Variants in RIMS1 observed in about 807,000 individuals in gnomAD.
RIMS1 encodes regulating synaptic membrane exocytosis 1.
RIMS1 carries 83 observed loss-of-function variants against 214.1 expected under a neutral mutation model. That is an observed-to-expected ratio of 0.39 (90% confidence interval 0.32 to 0.47). RIMS1 has a LOEUF of 0.47. Ranked by LOEUF, RIMS1 falls within the 20% of genes least tolerant of loss-of-function variation. RIMS1 has a pLI of 0.99. For missense variants in RIMS1, 2,050 were observed against 2,161.8 expected, an observed-to-expected ratio of 0.95 and a Z score of 1.03; for synonymous variants, 793 against 786.8, an observed-to-expected ratio of 1.01 and a Z score of -0.13.
chr6:72,330,942 AT>A (rs1402007245), intron 28 of RIMS1, among the ~76,000 whole-genome samples: 4 of 151,328 alleles, frequency 2.6e-5, no homozygotes, highest in Non-Finnish European at 4.4e-5. Context: ...CTGGACATAT[AT>A]TTTTTGAGAA....
intron 4 of RIMS1, among the ~76,000 whole-genome samples, chr6:72,127,043 A>G (rs1336682692): frequency 2.6e-5 from 4 of 152,232 alleles, no homozygotes; most frequent in Admixed American, 6.5e-5. Context: ...GTTCCTTCTC[A>G]AAGCTTCTCT....
chr6:71,949,797 C>T (rs1788907939), intron 1 of RIMS1, among the ~76,000 whole-genome samples: 1 of 152,162 alleles, frequency 6.6e-6, no homozygotes, highest in Non-Finnish European at 1.5e-5. Flanking sequence ...TTTTGGAGAA[C>T]AGTTTGACAG....
At chr6:72,090,381 A>C (rs1160091449) in intron 2 of RIMS1, among the ~76,000 whole-genome samples, 1 of 152,134 alleles carries the variant, frequency 6.6e-6, no homozygotes, top group Non-Finnish European at 1.5e-5. Flanking sequence ...CCAAGACCCC[A>C]CAACCATCCC....
At chr6:71,909,120 G>T (rs116713323) in intron 1 of RIMS1, among the ~76,000 whole-genome samples, 1 of 152,116 alleles carries the variant, frequency 6.6e-6, no homozygotes, top group Non-Finnish European at 1.5e-5. Context: ...CTCTGGAGCA[G>T]ATGGGACTAC....
chr6:72,260,741 A>G lies in RIMS1; in HGVS notation c.3090A>G (p.Arg1030=). 1 of 1,612,518 alleles carries G rather than the reference A, an allele frequency of 6.2e-7. No individual in the cohort carries two copies. The highest frequency in any genetic ancestry group is 8.5e-7 in the Non-Finnish European group (1 of 1,178,960). ...TGCTGCCCAGAGCAAAACGAGGACG[A>G]AGTGCAGAATGCCTACATACTACCA... is the stretch of plus-strand genomic sequence containing the variant. ...LLMLPRAKRG[R]SAECLHTTRH... is the part of the protein sequence containing the mutation. The change falls in exon 19 of 34, where the codon CGA becomes CGG. Residue 1030 remains arginine (R), a synonymous_variant. Transcript: ENST00000521978.
intron 1 of RIMS1, among the ~76,000 whole-genome samples, chr6:71,936,933 G>A (rs1215217584): frequency 2.0e-5 from 3 of 151,758 alleles, no homozygotes; most frequent in Non-Finnish European, 4.4e-5. Context: ...GAAGACTAAA[G>A]TATTAGCTTT....
chr6:72,208,379 A>G (rs1046423798), intron 6 of RIMS1, among the ~76,000 whole-genome samples: 10 of 152,180 alleles, frequency 6.6e-5, no homozygotes, highest in Non-Finnish European at 1.2e-4. Context: ...TACCTTTCCC[A>G]TCCAGTTTTA....
intron 19 of RIMS1, 98 bp from the exon 20 acceptor site, chr6:72,264,877 A>G (rs1296448047): frequency 5.8e-6 from 4 of 684,708 alleles, no homozygotes; most frequent in East Asian, 6.2e-5. Flanking sequence ...AGATTTATCT[A>G]TATAGCTTTA....
At chr6:72,269,060 C>T (rs1476689042) in intron 22 of RIMS1, among the ~76,000 whole-genome samples, 1 of 152,022 alleles carries the variant, frequency 6.6e-6, no homozygotes, top group Non-Finnish European at 1.5e-5. Flanking sequence ...GATGGTTTAC[C>T]TTCTTCCTTG....
intron 4 of RIMS1, among the ~76,000 whole-genome samples, chr6:72,109,188 T>G (rs2035469337): frequency 6.6e-6 from 1 of 152,212 alleles, no homozygotes. Context: ...CATAGCAGAA[T>G]GATTCATAGT....
chr6:72,150,709 A>C (rs1369828394), intron 4 of RIMS1, among the ~76,000 whole-genome samples: 1 of 152,166 alleles, frequency 6.6e-6, no homozygotes, highest in Admixed American at 6.5e-5. Context: ...TTGCCTGTTC[A>C]TTTTGTTTGT....
intron 21 of RIMS1, 133 bp downstream of exon 21, chr6:72,265,636 A>G (rs1482749574): frequency 3.5e-6 from 2 of 568,404 alleles, no homozygotes; most frequent in Non-Finnish European, 6.1e-6. Flanking sequence ...CCTGGTAATG[A>G]AATTTTAGGC....
chr6:72,104,735 T>C (rs1227840452), intron 4 of RIMS1, among the ~76,000 whole-genome samples: 1 of 152,222 alleles, frequency 6.6e-6, no homozygotes, highest in Non-Finnish European at 1.5e-5. Flanking sequence ...CTCTAACAGA[T>C]GTTTCTACAT....
In RIMS1 at chr6:72,251,036, A is replaced by G; in HGVS notation, c.2488A>G (p.Ile830Val). Reference sequence around the variant, plus strand: ...AGATTTTAGAGAACGAATGTTAGAAATAACTGTGTGGGACCAACCAAGAGT... The same window carrying G: ...AGATTTTAGAGAACGAATGTTAGAAGTAACTGTGTGGGACCAACCAAGAGT... ...RRDFRERMLE[I>V]TVWDQPRVQE... Residue 830 changes from isoleucine (I) to valine (V), a missense_variant, in exon 14 of 34, where the codon ATA (isoleucine) becomes GTA (valine). Around this residue, in one of 6 missense-constraint regions of RIMS1, gnomAD observed 889 missense variants for 885.5 expected, o/e 1.00. Coordinates refer to ENST00000521978, the MANE Select transcript of RIMS1 (RefSeq NM_014989.7). The G allele has an allele frequency of 6.3e-7, 1 of 1,582,502 alleles. No individual in the cohort carries two copies. Among genetic ancestry groups the G allele is most frequent in the Non-Finnish European group, 8.6e-7 (1 of 1,163,120 alleles).
chr6:72,120,739 CTGAA>C (rs2038104393), intron 4 of RIMS1, among the ~76,000 whole-genome samples: 1 of 151,844 alleles, frequency 6.6e-6, no homozygotes, highest in African/African-American at 2.4e-5. Flanking sequence ...TGCCTATGTC[CTGAA>C]TGGTATTGCC....
At chr6:72,168,647 A>G (rs2046598225) in intron 4 of RIMS1, among the ~76,000 whole-genome samples, 1 of 151,198 alleles carries the variant, frequency 6.6e-6, no homozygotes, top group Non-Finnish European at 1.5e-5. Flanking sequence ...ATTTTGTCTC[A>G]TAGTGCACAT....
At chr6:72,293,630 T>A (rs991721475) in intron 26 of RIMS1, among the ~76,000 whole-genome samples, 2 of 151,866 alleles carry the variant, frequency 1.3e-5, no homozygotes, top group African/African-American at 4.8e-5. Context: ...AAATAAAACA[T>A]TTTATGGGTT....
chr6:72,199,895 G>A (rs1246642048), intron 6 of RIMS1, among the ~76,000 whole-genome samples: 1 of 151,986 alleles, frequency 6.6e-6, no homozygotes, highest in Non-Finnish European at 1.5e-5. Context: ...TTTTCCATTA[G>A]AACGACTAAG....
intron 4 of RIMS1, among the ~76,000 whole-genome samples, chr6:72,159,342 G>A (rs1371170778): frequency 7.1e-6 from 1 of 140,144 alleles, no homozygotes; most frequent in Non-Finnish European, 1.6e-5. Context: ...CATTCTGTAG[G>A]TTGCCTGTTC....
Sources: allele counts gnomAD v4.1 joint callset (sites outside exome capture counted in the v4.1 genomes callset), GRCh38; gene constraint gnomAD v4.1.1; regional missense constraint gnomAD v4.1.1; transcripts MANE v1.5; gene names NCBI Gene and HGNC (gene_info 2026-07-23, HGNC 2026-07-21).